The following SLC35A3 variants were observed in gnomAD, a reference collection of about 807,000 sequenced individuals.
SLC35A3 encodes the protein solute carrier family 35 member A3.
Under a neutral mutation model 39.0 loss-of-function variants are expected in SLC35A3, and 26 were observed. That is an observed-to-expected ratio of 0.67 (90% CI 0.49 to 0.92). The LOEUF is 0.92. Ranked by LOEUF, SLC35A3 falls within the 40% of genes least tolerant of loss-of-function variation. SLC35A3 has a pLI of 0.00. For synonymous variants in SLC35A3, 135 were observed against 133.1 expected, an observed-to-expected ratio of 1.01 and a Z score of -0.10; for missense variants, 299 against 371.6, an observed-to-expected ratio of 0.80 and a Z score of 1.61.
rs1349037290 is a variant in SLC35A3, at chr1:100,011,506, T to G, written c.607T>G (p.Ser203Ala). Residue 203 changes from serine (S) to alanine (A), a missense_variant, in exon 5 of 8, where the codon TCA (serine) becomes GCA (alanine). By Grantham distance (99) the Ser-to-Ala change is moderately conservative. Transcript: ENST00000533028. ...GAAAATCTTAAAAGAAACAAAACAA[T>G]CAGTGTGGATAAGAAATATTCAGCT... ...FEKILKETKQ[S>A]VWIRNIQLGF... 6.5e-7 allele frequency: 1 copy of G among 1,539,136 alleles called. No individual in the cohort carries two copies. The highest frequency in any genetic ancestry group is 1.8e-5 in the Admixed American group (1 of 56,886).
intron 1 of SLC35A3, among the ~76,000 whole-genome samples, chr1:99,981,731 T>C (rs1466259675): frequency 1.3e-5 from 2 of 152,142 alleles, no homozygotes; most frequent in African/African-American, 4.8e-5. Flanking sequence ...TCCGCTCACC[T>C]CAGCCTCCCA....
chr1:100,008,593 G>T (rs1324049889), intron 4 of SLC35A3: 1 of 152,198 alleles, frequency 6.6e-6, no homozygotes, highest in Non-Finnish European at 1.5e-5. Flanking sequence ...TGAGCTGCTT[G>T]TAGGGGCTAT....
intron 1 of SLC35A3, chr1:99,970,541 G>GCTCT: frequency 6.5e-7 from 1 of 1,535,724 alleles, no homozygotes; most frequent in Non-Finnish European, 8.7e-7. Context: ...CATCCCATGA[G>GCTCT]CTCTCGCTCG....
intron 1 of SLC35A3, chr1:99,970,436 A>T (rs1054007267): frequency 1.3e-5 from 10 of 745,968 alleles, no homozygotes; most frequent in Admixed American, 2.6e-5. Context: ...GGGGTGTGTC[A>T]AGCGAATGAA....
Position 100,022,509 on chromosome 1 carries a change from G to A in SLC35A3, c.*33G>A. On this transcript the variant is annotated 3_prime_UTR_variant, in exon 8 of 8. Transcript: ENST00000533028. The stretch of plus-strand genomic sequence containing the variant: ...CTATCTTTAACTGGTTTTTCACGAT[G>A]GGGCACTAGGAATCTCGACATTAAT... 8.9e-7 allele frequency: 1 copy of A among 1,122,330 alleles called. No individual in the cohort carries two copies. The highest frequency in any genetic ancestry group is 1.3e-6 in the Non-Finnish European group (1 of 748,942). 69.5% of individuals were successfully genotyped at this position (1,122,330 alleles called of 1,614,324 possible).
chr1:100,011,791 T>C (rs1298911961), intron 5 of SLC35A3, among the ~76,000 whole-genome samples: 1 of 151,500 alleles, frequency 6.6e-6, no homozygotes, highest in Admixed American at 6.6e-5. Flanking sequence ...CAATCTCGGC[T>C]CACTGCAAGC....
chr1:100,012,870 T>C (rs1659764318), intron 5 of SLC35A3, among the ~76,000 whole-genome samples: 1 of 152,206 alleles, frequency 6.6e-6, no homozygotes, highest in Non-Finnish European at 1.5e-5. Flanking sequence ...ATACATAGTA[T>C]AGTGATTAAG....
intron 1 of SLC35A3, 121 bp downstream of exon 1, chr1:99,970,283 G>C: frequency 2.4e-6 from 1 of 411,354 alleles, no homozygotes; most frequent in Admixed American, 4.1e-5. Context: ...TGTGAAGTCT[G>C]TAGGGGTGAA....
chr1:99,999,185 A>T, intron 2 of SLC35A3, 76 bp from the exon 3 acceptor site: 2 of 926,106 alleles, frequency 2.2e-6, no homozygotes, highest in Non-Finnish European at 3.0e-6. Context: ...TAGGTTAGAA[A>T]ATTGAGATCT....
intron 3 of SLC35A3, among the ~76,000 whole-genome samples, chr1:100,001,385 C>T (rs1001219341): frequency 2.6e-5 from 4 of 151,996 alleles, no homozygotes; most frequent in Admixed American, 1.3e-4. Flanking sequence ...TTCTTTCATC[C>T]GTGTTTTGTA....
chr1:99,979,786 G>A (rs1378143285), intron 1 of SLC35A3, among the ~76,000 whole-genome samples: 2 of 151,108 alleles, frequency 1.3e-5, no homozygotes, highest in African/African-American at 4.8e-5. Flanking sequence ...GCTCACGCCT[G>A]TAATCCCAGC....
intron 1 of SLC35A3, among the ~76,000 whole-genome samples, chr1:99,976,327 GA>G (rs1029678976): frequency 6.6e-6 from 1 of 152,152 alleles, no homozygotes; most frequent in Non-Finnish European, 1.5e-5. Flanking sequence ...TTCATGTTTA[GA>G]AAAGGTGTTT....
chr1:100,029,284 G>A lies in SLC35A3; in HGVS notation c.*6808G>A, dbSNP rs535575549. 3 of 152,236 alleles carry A rather than the reference G, an allele frequency of 2.0e-5. No homozygotes were observed. In the East Asian group the frequency reaches 5.8e-4, roughly 29 times the overall value. The allele number at this position is 152,236 out of a possible 1,614,324, so 9.4% of individuals were successfully genotyped here. A position where few individuals can be genotyped will look rare whatever the true frequency, so the allele number is the denominator to read the frequency against. Reference sequence around the variant, plus strand: ...ATAATAAAGACATTCCTATCAGTGAGAACTCCCAAAGACTTACACCAGAAC... The same window carrying A: ...ATAATAAAGACATTCCTATCAGTGAAAACTCCCAAAGACTTACACCAGAAC... On this transcript the variant is annotated 3_prime_UTR_variant, in exon 8 of 8. Transcript: ENST00000533028.
intron 1 of SLC35A3, among the ~76,000 whole-genome samples, chr1:99,972,755 A>T (rs1656893710): frequency 6.6e-6 from 1 of 152,238 alleles, no homozygotes; most frequent in African/African-American, 2.4e-5. Flanking sequence ...TTCTGGAGAC[A>T]AGATGAGCTC....
chr1:100,019,156 C>CTTT (rs71590280), intron 7 of SLC35A3, among the ~76,000 whole-genome samples: 2 of 141,982 alleles, frequency 1.4e-5, no homozygotes, highest in African/African-American at 5.2e-5. Context: ...AAAAGCATAC[C>CTTT]TTTTTTTTTT....
chr1:99,975,849 C>G (rs1657076267), intron 1 of SLC35A3, among the ~76,000 whole-genome samples: 2 of 152,052 alleles, frequency 1.3e-5, no homozygotes, highest in African/African-American at 4.8e-5. Context: ...CACTTGAGGG[C>G]AGGAGTTTGA....
In SLC35A3 at chr1:100,030,069, C is replaced by A. The variant is rs967118232; in HGVS notation, c.*7593C>A. ...ATAAGGAAGAGCTAAAACCTGATAC[C>A]AGTTGTTATTTTGGCTCACAGTAGG... is the stretch of plus-strand genomic sequence containing the variant. On this transcript the variant is annotated 3_prime_UTR_variant, in exon 8 of 8. Transcript: ENST00000533028. 2 of 152,048 alleles carry A rather than the reference C, an allele frequency of 1.3e-5. No individual in the cohort carries two copies. The highest frequency in any genetic ancestry group is 1.3e-4 in the Admixed American group (2 of 15,278). The allele number at this position is 152,048 out of a possible 1,614,324, so 9.4% of individuals were successfully genotyped here.
chr1:99,986,463 A>G (rs1258933713), intron 1 of SLC35A3, among the ~76,000 whole-genome samples: 1 of 152,130 alleles, frequency 6.6e-6, no homozygotes, highest in African/African-American at 2.4e-5. Context: ...AACATACATT[A>G]TAATAAATAA....
At chr1:100,000,401 T>C (rs993409233) in intron 3 of SLC35A3, among the ~76,000 whole-genome samples, 2 of 152,090 alleles carry the variant, frequency 1.3e-5, no homozygotes, top group African/African-American at 4.8e-5. Flanking sequence ...TTTATTGAGG[T>C]CCTTTGCCCA....
Sources: allele counts gnomAD v4.1 joint callset (sites outside exome capture counted in the v4.1 genomes callset), GRCh38; gene constraint gnomAD v4.1.1; transcripts MANE v1.5; gene names NCBI Gene and HGNC (gene_info 2026-07-23, HGNC 2026-07-21).